Variants in SYNPR observed in about 807,000 individuals in gnomAD.
SYNPR encodes the protein synaptoporin.
SYNPR carries 23 observed loss-of-function variants against 32.9 expected under a neutral mutation model. The observed-to-expected ratio is 0.70, with a 90% CI of 0.50 to 0.99. SYNPR has a LOEUF of 0.99. Among genes scored for constraint, SYNPR ranks in the 50% least tolerant of loss-of-function variants. The pLI is 0.00. For synonymous variants in SYNPR, 146 were observed against 135.9 expected (o/e 1.07, Z -0.52); for missense variants, 318 against 349.3 (o/e 0.91, Z 0.71).
chr3:63,404,365 A>G (rs958073278), intron 2 of SYNPR, among the ~76,000 whole-genome samples: 2 of 152,248 alleles, frequency 1.3e-5, no homozygotes, highest in African/African-American at 4.8e-5. Flanking sequence ...TTAACAAAGA[A>G]CTACAACAAT....
At chr3:63,540,274 T>C (rs888673079) in intron 3 of SYNPR, among the ~76,000 whole-genome samples, 3 of 152,160 alleles carry the variant, frequency 2.0e-5, no homozygotes, top group African/African-American at 7.2e-5. Flanking sequence ...AAAGATTGTG[T>C]TTAATTATCA....
intron 2 of SYNPR, among the ~76,000 whole-genome samples, chr3:63,281,523 GT>G (rs1278899271): frequency 6.6e-6 from 1 of 152,148 alleles, no homozygotes; most frequent in Non-Finnish European, 1.5e-5. Flanking sequence ...CAGATTCGTT[GT>G]TTAGTGAGGG....
intron 2 of SYNPR, among the ~76,000 whole-genome samples, chr3:63,302,365 T>A (rs1158608722): frequency 6.6e-6 from 1 of 151,990 alleles, no homozygotes; most frequent in Non-Finnish European, 1.5e-5. Context: ...AGGTAATATG[T>A]GAAGGTCTCT....
At chr3:63,501,241 G>A (rs1701471711) in intron 3 of SYNPR, among the ~76,000 whole-genome samples, 3 of 152,120 alleles carry the variant, frequency 2.0e-5, no homozygotes, top group Admixed American at 2.0e-4. Flanking sequence ...CACTTTTGGA[G>A]GTTGAGGTGG....
chr3:63,413,117 C>T (rs777178676), intron 2 of SYNPR, among the ~76,000 whole-genome samples: 10 of 152,100 alleles, frequency 6.6e-5, no homozygotes, highest in African/African-American at 1.9e-4. Context: ...AATTAGATAA[C>T]GATCAAAAAA....
chr3:63,307,639 TA>T (rs1196274833), intron 2 of SYNPR, among the ~76,000 whole-genome samples: 1 of 151,974 alleles, frequency 6.6e-6, no homozygotes, highest in African/African-American at 2.4e-5. Context: ...TTCTGTCAAA[TA>T]ATCTATTTTT....
intron 1 of SYNPR, among the ~76,000 whole-genome samples, chr3:63,245,301 C>A (rs2086275666): frequency 6.6e-6 from 1 of 151,382 alleles, no homozygotes; most frequent in African/African-American, 2.4e-5. Context: ...AAAGAATATG[C>A]AATTAATCAA....
At chr3:63,453,938 TATC>T (rs1191308565) in intron 2 of SYNPR, among the ~76,000 whole-genome samples, 1 of 152,196 alleles carries the variant, frequency 6.6e-6, no homozygotes, top group African/African-American at 2.4e-5. Context: ...TTATCTGTAT[TATC>T]ATGATATAAT....
At chr3:63,398,478 T>C (rs919693781) in intron 2 of SYNPR, among the ~76,000 whole-genome samples, 6 of 152,036 alleles carry the variant, frequency 3.9e-5, no homozygotes, top group African/African-American at 1.4e-4. Flanking sequence ...CCCAGCACTT[T>C]GGGAGGCCAA....
intron 3 of SYNPR, among the ~76,000 whole-genome samples, chr3:63,501,251 G>A (rs1462350507): frequency 6.6e-6 from 1 of 152,030 alleles, no homozygotes; most frequent in East Asian, 1.9e-4. Flanking sequence ...GGTTGAGGTG[G>A]GCAGATTGCT....
In SYNPR at chr3:63,300,480, C is replaced by A. The variant is rs183770376; in HGVS notation, c.84+21738C>A. On this transcript the variant is annotated intron_variant, in intron 2 of 5. Transcript: ENST00000478300. Reference sequence around the variant, plus strand: ...TTAAGGATAAAATAATTGTGAGGGACTTTGTTGGTCCCCTGCTCAGATCCT... The same window carrying A: ...TTAAGGATAAAATAATTGTGAGGGAATTTGTTGGTCCCCTGCTCAGATCCT... Among the ~76,000 whole-genome samples, 270 of 152,216 alleles carry A rather than the reference C, an allele frequency of 1.8e-3. 1 individual carries two copies. Among genetic ancestry groups the A allele is most frequent in the South Asian group, 0.011 (52 of 4,830 alleles).
rs189646263 is a variant in SYNPR, at chr3:63,417,522, C to G, written c.85-63310C>G. Among the ~76,000 whole-genome samples the G allele has an allele frequency of 3.6e-3, 553 of 152,364 alleles. 7 individuals are homozygous for G. Among genetic ancestry groups the G allele is most frequent in the Non-Finnish European group, 4.3e-3 (295 of 68,030 alleles). On this transcript the variant is annotated intron_variant, in intron 2 of 5. Transcript: ENST00000478300. ...ACTAGGCAGTGGCCTAGTAGGGACTCTGTGTGGGGGCTCCCACCCTACATT... is the reference window on the plus strand; with the variant it reads ...ACTAGGCAGTGGCCTAGTAGGGACTGTGTGTGGGGGCTCCCACCCTACATT...
chr3:63,314,036 C>T (rs1235956646), intron 2 of SYNPR, among the ~76,000 whole-genome samples: 2 of 5,770 alleles, frequency 3.5e-4, no homozygotes, highest in African/African-American at 9.9e-4. Context: ...TATATATATC[C>T]ATATATATAT....
At chr3:63,397,208 T>C (rs1299308734) in intron 2 of SYNPR, among the ~76,000 whole-genome samples, 1 of 152,064 alleles carries the variant, frequency 6.6e-6, no homozygotes, top group Non-Finnish European at 1.5e-5. Context: ...AAGTGCTGTA[T>C]TGGGATGCAA....
At chr3:63,237,394 T>G (rs997593530) in intron 1 of SYNPR, among the ~76,000 whole-genome samples, 1 of 152,178 alleles carries the variant, frequency 6.6e-6, no homozygotes, top group Non-Finnish European at 1.5e-5. Context: ...GTGATTTCCA[T>G]TTTGTTCTTT....
At chr3:63,369,156 G>C (rs1019959061) in intron 2 of SYNPR, among the ~76,000 whole-genome samples, 3 of 152,142 alleles carry the variant, frequency 2.0e-5, no homozygotes, top group African/African-American at 7.2e-5. Flanking sequence ...AAGTGAAAGA[G>C]ACACCAGGAA....
intron 2 of SYNPR, among the ~76,000 whole-genome samples, chr3:63,428,585 A>G (rs1699931463): frequency 6.6e-6 from 1 of 152,196 alleles, no homozygotes; most frequent in African/African-American, 2.4e-5. Flanking sequence ...ATGGGAAAAC[A>G]AGTGGTTCTG....
the SYNPR span, among the ~76,000 whole-genome samples, chr3:63,203,848 A>C: frequency 6.6e-6 from 1 of 152,100 alleles, no homozygotes; most frequent in African/African-American, 2.4e-5. Flanking sequence ...TAATACAAAA[A>C]ATTAGCTGGA....
intron 4 of SYNPR, among the ~76,000 whole-genome samples, chr3:63,600,325 T>C (rs925150294): frequency 1.6e-4 from 24 of 152,300 alleles, no homozygotes; most frequent in Admixed American, 1.6e-3. Flanking sequence ...TCATGCTCTG[T>C]GCCAGGAGGG....
Sources: allele counts gnomAD v4.1 joint callset (sites outside exome capture counted in the v4.1 genomes callset), GRCh38; gene constraint gnomAD v4.1.1; transcripts MANE v1.5; gene names NCBI Gene and HGNC (gene_info 2026-07-23, HGNC 2026-07-21).